The following CR1L variants were observed in gnomAD, a reference collection of about 807,000 sequenced individuals.
The protein encoded by CR1L is complement component receptor 1-like protein.
Under a neutral mutation model 62.3 loss-of-function variants are expected in CR1L, and 59 were observed. The observed-to-expected ratio is 0.95, with a 90% CI of 0.77 to 1.18. The LOEUF (loss-of-function observed/expected upper bound fraction) is 1.18. Among genes scored for constraint, CR1L ranks in the 50% most tolerant of loss-of-function variants. CR1L has a pLI of 0.00. For missense variants in CR1L, 700 were observed against 702.8 expected (o/e 1.00, Z 0.04); for synonymous variants, 279 against 248.7 (o/e 1.12, Z -1.15).
chr1:207,698,945 T>C (rs7527798), intron 7 of CR1L, among the ~76,000 whole-genome samples: 27,885 of 152,182 alleles, frequency 0.18, 3,098 homozygotes, highest in Non-Finnish European at 0.26. Context: ...AGATGGTGGC[T>C]ATTTTGTGAC....
chr1:207,659,389 GCATCCCT>G (rs1220387097), intron 1 of CR1L, among the ~76,000 whole-genome samples: 1 of 152,226 alleles, frequency 6.6e-6, no homozygotes, highest in Non-Finnish European at 1.5e-5. Flanking sequence ...CCATGGCCCT[GCATCCCT>G]CATCCCTTTT....
At chr1:207,683,785 T>G in intron 3 of CR1L, 87 bp from the exon 4 acceptor site, 2 of 1,284,212 alleles carry the variant, frequency 1.6e-6, no homozygotes, top group Middle Eastern at 1.9e-4. Flanking sequence ...CTGAATTCTA[T>G]AAGAGTGTAA....
At chr1:207,666,066 A>T (rs1663518435) in intron 1 of CR1L, among the ~76,000 whole-genome samples, 1 of 152,196 alleles carries the variant, frequency 6.6e-6, no homozygotes, top group Non-Finnish European at 1.5e-5. Context: ...AAGAGCTAAC[A>T]CGTGTACTGA....
chr1:207,683,228 C>T (rs1663833463), intron 3 of CR1L, among the ~76,000 whole-genome samples: 1 of 151,918 alleles, frequency 6.6e-6, no homozygotes. Context: ...CCTCAATCTC[C>T]CAGGCTCAAG....
At chr1:207,671,241 T>C (rs2102453800) in intron 1 of CR1L, among the ~76,000 whole-genome samples, 1 of 150,998 alleles carries the variant, frequency 6.6e-6, no homozygotes, top group South Asian at 2.1e-4. Flanking sequence ...CTGAAAACCC[T>C]CATGCATGTC....
chr1:207,710,781 A>G lies in CR1L; in HGVS notation c.1414+2518A>G, dbSNP rs1472311077. On this transcript the variant is annotated intron_variant, in intron 10 of 11. Transcript: ENST00000508064. ...GGAGCCGGAGCTACCAAGCTGCTCC[A>G]GGGGTGTGTTTGCCTGAGGCCTAGA... 1.6e-5 allele frequency: 25 copies of G among 1,599,308 alleles called. No individual in the cohort carries two copies. The Admixed American group carries it at 3.8e-4, about 25-fold the overall frequency.
At position 207,678,189 on chromosome 1, in the gene CR1L, T is replaced by C. The variant is rs774527139; in HGVS notation, c.278-9T>C. The stretch of plus-strand genomic sequence containing the variant: ...TACTTGGCTTCAAATTTCTGTTTCT[T>C]TCCTGTAGGTAAATCATGTCGTAAT... On this transcript the variant is annotated splice_polypyrimidine_tract_variant and intron_variant, in intron 2 of 11. Transcript: ENST00000508064. 1.2e-6 allele frequency: 2 copies of C among 1,613,200 alleles called. No homozygotes were observed. The highest frequency in any genetic ancestry group is 1.7e-6 in the Non-Finnish European group (2 of 1,179,224).
At chr1:207,680,219 A>G (rs1266048785) in intron 3 of CR1L, among the ~76,000 whole-genome samples, 1 of 152,246 alleles carries the variant, frequency 6.6e-6, no homozygotes, top group East Asian at 1.9e-4. Context: ...CAGGGAGTAT[A>G]TAGGAAATCT....
chr1:207,678,194 G>A lies in CR1L; in HGVS notation c.278-4G>A. On this transcript the variant is annotated splice_polypyrimidine_tract_variant and splice_region_variant and intron_variant, in intron 2 of 11. Coordinates refer to ENST00000508064, the MANE Select transcript of CR1L (RefSeq NM_175710.2). ...GGCTTCAAATTTCTGTTTCTTTCCT[G>A]TAGGTAAATCATGTCGTAATCCTCC... 1.2e-6 allele frequency: 2 copies of A among 1,613,296 alleles called. No homozygotes were observed. Among genetic ancestry groups the A allele is most frequent in the Middle Eastern group, 1.6e-4 (1 of 6,062 alleles).
At chr1:207,655,891 A>C (rs78752183) in intron 1 of CR1L, among the ~76,000 whole-genome samples, 5,832 of 152,330 alleles carry the variant, frequency 0.038, 178 homozygotes, top group South Asian at 0.12. Context: ...TTAAAGGAAG[A>C]CTTGGATTTG....
At chr1:207,680,530 C>T (rs555746589) in intron 3 of CR1L, among the ~76,000 whole-genome samples, 1 of 144,306 alleles carries the variant, frequency 6.9e-6, no homozygotes, top group African/African-American at 2.5e-5. Context: ...ATCTGATTAT[C>T]TCAAAATAAA....
chr1:207,717,733 T>C, intron 11 of CR1L, 42 bp downstream of exon 11: 1 of 1,604,020 alleles, frequency 6.2e-7, no homozygotes, highest in Non-Finnish European at 8.5e-7. Context: ...GTTCAGAATA[T>C]GTAGGTGAGA....
chr1:207,713,875 T>A (rs1435628867), intron 10 of CR1L, among the ~76,000 whole-genome samples: 1 of 152,096 alleles, frequency 6.6e-6, no homozygotes, highest in Middle Eastern at 3.2e-3. Flanking sequence ...CGCTCAGGCC[T>A]GCATCTCCAA....
intron 11 of CR1L, among the ~76,000 whole-genome samples, chr1:207,721,330 T>A (rs952078982): frequency 6.9e-6 from 1 of 145,158 alleles, no homozygotes; most frequent in Non-Finnish European, 1.5e-5. Context: ...CTCCCAATTC[T>A]ATCCCTCCCC....
At position 207,708,269 on chromosome 1, in the gene CR1L, T is replaced by A. The variant is rs1446616776; in HGVS notation, c.1414+6T>A. Reference sequence around the variant, plus strand: ...GAAGCCACCAATTTGTCAACGTGAGTTGAAATCTCTTTCCCCATTCACCCC... The same window carrying A: ...GAAGCCACCAATTTGTCAACGTGAGATGAAATCTCTTTCCCCATTCACCCC... On this transcript the variant is annotated splice_donor_region_variant and intron_variant, in intron 10 of 11. Transcript: ENST00000508064. 1 of 1,610,936 alleles carries A rather than the reference T, an allele frequency of 6.2e-7. No homozygotes were observed. The highest frequency in any genetic ancestry group is 1.7e-5 in the Admixed American group (1 of 60,004).
Position 207,694,562 on chromosome 1 carries a change from A to G in CR1L, c.673A>G (p.Ile225Val). Residue 225 changes from isoleucine to valine, a missense_variant, in exon 5 of 12, where the codon ATT (isoleucine) becomes GTT (valine). Transcript: ENST00000508064. ...GIWSGPAPQC[I>V]IPNKCTPPNV... Reference sequence around the variant, plus strand: ...CTGGAGTGGCCCAGCCCCTCAGTGCATTATACCTAACAAATGCACGCCTCC... The same window carrying G: ...CTGGAGTGGCCCAGCCCCTCAGTGCGTTATACCTAACAAATGCACGCCTCC... 1.9e-6 allele frequency: 3 copies of G among 1,612,446 alleles called. No individual in the cohort carries two copies. The highest frequency in any genetic ancestry group is 2.5e-6 in the Non-Finnish European group (3 of 1,179,774).
At chr1:207,702,410 A>G (rs1417177714) in intron 9 of CR1L, among the ~76,000 whole-genome samples, 2 of 152,222 alleles carry the variant, frequency 1.3e-5, no homozygotes, top group African/African-American at 4.8e-5. Flanking sequence ...TAATAGCCCT[A>G]CAATGGCCTT....
intron 10 of CR1L, among the ~76,000 whole-genome samples, chr1:207,711,967 G>A (rs909858254): frequency 6.6e-6 from 1 of 152,050 alleles, no homozygotes; most frequent in African/African-American, 2.4e-5. Context: ...GCTTACAGGA[G>A]TATAAATACA....
At chr1:207,657,110 C>T in intron 1 of CR1L, 6 of 683,722 alleles carry the variant, frequency 8.8e-6, no homozygotes, top group Admixed American at 4.7e-5. Context: ...TCCTCTTTTT[C>T]TTCAATTTTA....
Sources: gnomAD v4.1 joint callset for allele counts (sites outside exome capture counted in the v4.1 genomes callset) on GRCh38, gnomAD v4.1.1 for gene constraint, MANE v1.5 for transcripts, NCBI Gene and HGNC (gene_info 2026-07-23, HGNC 2026-07-21) for gene names.